The following PRKCH variants were observed in gnomAD, a reference collection of about 807,000 sequenced individuals.
PRKCH encodes protein kinase C eta type.
A neutral mutation model predicts 82.5 loss-of-function variants in PRKCH; 28 were observed. The ratio of observed to expected loss-of-function variants is 0.34; its 90% CI spans 0.25 to 0.47. PRKCH has a LOEUF of 0.47. Among genes scored for constraint, PRKCH ranks in the 20% least tolerant of loss-of-function variants. The pLI, the probability that PRKCH is intolerant of heterozygous loss-of-function variation, is 1.00. For missense variants in PRKCH, 705 were observed against 881.8 expected, an observed-to-expected ratio of 0.80 and a Z score of 2.54; for synonymous variants, 322 against 327.4, an observed-to-expected ratio of 0.98 and a Z score of 0.18.
chr14:61,458,986 C>G (rs557235081), intron 9 of PRKCH, among the ~76,000 whole-genome samples: 1 of 152,272 alleles, frequency 6.6e-6, no homozygotes, highest in African/African-American at 2.4e-5. Flanking sequence ...GAGCAAATAT[C>G]AGGCCAAGAT....
intron 9 of PRKCH, among the ~76,000 whole-genome samples, chr14:61,466,642 C>G (rs754677676): frequency 6.6e-6 from 1 of 152,126 alleles, no homozygotes; most frequent in African/African-American, 2.4e-5. Flanking sequence ...GGCCAGTGCC[C>G]GAAACAGCCT....
intron 10 of PRKCH, among the ~76,000 whole-genome samples, chr14:61,493,302 T>C (rs1170225500): frequency 6.6e-6 from 1 of 152,218 alleles, no homozygotes; most frequent in Non-Finnish European, 1.5e-5. Flanking sequence ...TGTTCTGCTG[T>C]AGACAGGGTC....
intron 9 of PRKCH, among the ~76,000 whole-genome samples, chr14:61,473,500 T>C (rs112198871): frequency 2.6e-5 from 4 of 152,248 alleles, no homozygotes; most frequent in African/African-American, 9.6e-5. Context: ...AAGGAAACAC[T>C]AAAGAAGTAG....
chr14:61,474,709 A>T (rs994860669), intron 9 of PRKCH, among the ~76,000 whole-genome samples: 4 of 152,118 alleles, frequency 2.6e-5, no homozygotes, highest in Admixed American at 1.3e-4. Flanking sequence ...GTATAATTTT[A>T]AAAAAATTTT....
chr14:61,388,233 C>G (rs141615380), intron 1 of PRKCH, among the ~76,000 whole-genome samples: 63 of 152,220 alleles, frequency 4.1e-4, no homozygotes, highest in African/African-American at 1.5e-3. Context: ...AAGTTTCAAC[C>G]TGCAGTTTGT....
chr14:61,387,552 A>G (rs1055277680), intron 1 of PRKCH, among the ~76,000 whole-genome samples: 1 of 152,246 alleles, frequency 6.6e-6, no homozygotes, highest in Non-Finnish European at 1.5e-5. Flanking sequence ...TATATTGTAC[A>G]GGAATGAAAT....
chr14:61,396,564 A>G (rs1380539207), intron 2 of PRKCH, among the ~76,000 whole-genome samples: 1 of 152,220 alleles, frequency 6.6e-6, no homozygotes, highest in Non-Finnish European at 1.5e-5. Flanking sequence ...CATGGCAGGA[A>G]TAAGCCCAGT....
At chr14:61,360,041 C>A (rs2046202526) in intron 1 of PRKCH, among the ~76,000 whole-genome samples, 1 of 152,230 alleles carries the variant, frequency 6.6e-6, no homozygotes. Flanking sequence ...GCGTATGTGG[C>A]ATTCTCTCAT....
chr14:61,541,039 T>G (rs1405121553), intron 12 of PRKCH, among the ~76,000 whole-genome samples: 1 of 152,232 alleles, frequency 6.6e-6, no homozygotes, highest in South Asian at 2.1e-4. Context: ...TGTCACTGCC[T>G]TCTCCTATGG....
intron 10 of PRKCH, among the ~76,000 whole-genome samples, chr14:61,523,556 T>C (rs2042930998): frequency 6.6e-6 from 1 of 152,184 alleles, no homozygotes; most frequent in Non-Finnish European, 1.5e-5. Flanking sequence ...GCCTACTTCA[T>C]AGAGTTATTT....
At chr14:61,255,831 A>G (rs918831495) in intron 1 of PRKCH, among the ~76,000 whole-genome samples, 2 of 152,162 alleles carry the variant, frequency 1.3e-5, no homozygotes, top group African/African-American at 4.8e-5. Flanking sequence ...GGAGTGCCAA[A>G]TTTCCTAATA....
chr14:61,514,294 T>A (rs2042789312), intron 10 of PRKCH, among the ~76,000 whole-genome samples: 1 of 147,780 alleles, frequency 6.8e-6, no homozygotes, highest in African/African-American at 2.5e-5. Context: ...GTCAGTGGAA[T>A]TTTTAATACT....
chr14:61,192,419 G>A (rs941877687), intron 1 of PRKCH, among the ~76,000 whole-genome samples: 1 of 152,228 alleles, frequency 6.6e-6, no homozygotes, highest in African/African-American at 2.4e-5. Flanking sequence ...TAGAGATGGT[G>A]TAGGTAAATC....
At chr14:61,303,136 G>A (rs1373458180) in intron 1 of PRKCH, 2 of 150,390 alleles carry the variant, frequency 1.3e-5, no homozygotes, top group Non-Finnish European at 2.9e-5. Context: ...TCCTGCCCCA[G>A]CCTCTCGAGT....
intron 6 of PRKCH, 97 bp downstream of exon 6, chr14:61,451,068 T>C: frequency 2.9e-6 from 4 of 1,371,608 alleles, no homozygotes; most frequent in Non-Finnish European, 3.9e-6. Flanking sequence ...CTAGAACTGA[T>C]GGTTTTAGAT....
In PRKCH at chr14:61,529,292, A is replaced by G. The variant is rs537882537; in HGVS notation, c.1572+79A>G. 1.5e-5 allele frequency: 22 copies of G among 1,501,636 alleles called. No individual in the cohort carries two copies. In the African/African-American group the frequency reaches 2.9e-4, roughly 20 times the overall value. The allele number at this position is 1,501,636 out of a possible 1,614,324, so 93.0% of individuals were successfully genotyped here. On this transcript the variant is annotated intron_variant, in intron 11 of 13. Coordinates refer to ENST00000332981, the MANE Select transcript of PRKCH (RefSeq NM_006255.5). ...ACCAGAAATGCCACTGGCTGCTTTT[A>G]TGCACTGCAGCTTTGGAGGCAGCAT...
intron 1 of PRKCH, among the ~76,000 whole-genome samples, chr14:61,256,250 A>G (rs1453528854): frequency 6.6e-6 from 1 of 152,224 alleles, no homozygotes; most frequent in African/African-American, 2.4e-5. Context: ...ATTGGCTCCC[A>G]AATGAATCAT....
At position 61,202,753 on chromosome 14, in the gene PRKCH, G is replaced by C. The variant is rs113086855; in HGVS notation, c.-19+15085G>C. The stretch of plus-strand genomic sequence containing the variant: ...TTTTAGGTTTACAGAAAAATCGTAT[G>C]GGAAGTATAGAGAGTTCCTATATAC... On this transcript the variant is annotated intron_variant, in intron 1 of 3. Coordinates refer to the PRKCH transcript ENST00000555185. 3.8e-3 allele frequency among the ~76,000 whole-genome samples: 584 copies of C among 152,240 alleles called. 4 individuals carry two copies. Among genetic ancestry groups the C allele is most frequent in the African/African-American group, 0.013 (550 of 41,550 alleles).
intron 1 of PRKCH, among the ~76,000 whole-genome samples, chr14:61,209,954 T>C (rs1214667398): frequency 6.6e-6 from 1 of 151,498 alleles, no homozygotes; most frequent in African/African-American, 2.4e-5. Context: ...AAATGCATCT[T>C]AGGGCCAGGT....
Sources: allele counts gnomAD v4.1 joint callset (sites outside exome capture counted in the v4.1 genomes callset), GRCh38; gene constraint gnomAD v4.1.1; transcripts MANE v1.5; gene names NCBI Gene and HGNC (gene_info 2026-07-23, HGNC 2026-07-21).